Variants in CDK14 observed in about 807,000 individuals in gnomAD.
The protein encoded by CDK14 is cyclin dependent kinase 14.
A neutral mutation model predicts 60.7 loss-of-function variants in CDK14; 34 were observed. That is an observed-to-expected ratio of 0.56 (90% CI 0.43 to 0.75). The LOEUF is 0.75. CDK14 is among the 30% of genes least tolerant of loss of function. CDK14 has a pLI of 0.00. For synonymous variants in CDK14, 197 were observed against 203.7 expected, an observed-to-expected ratio of 0.97 and a Z score of 0.28; for missense variants, 482 against 564.1, an observed-to-expected ratio of 0.85 and a Z score of 1.47.
At chr7:90,905,661 G>A (rs867646588) in intron 7 of CDK14, among the ~76,000 whole-genome samples, 28 of 152,110 alleles carry the variant, frequency 1.8e-4, no homozygotes, top group Admixed American at 4.6e-4. Flanking sequence ...TGAGATGATG[G>A]AGTGTGTTAA....
chr7:90,899,081 A>G (rs1300350466), intron 6 of CDK14, among the ~76,000 whole-genome samples: 1 of 151,926 alleles, frequency 6.6e-6, no homozygotes, highest in African/African-American at 2.4e-5. Context: ...AATATTTAAC[A>G]TAAAACAGAG....
intron 10 of CDK14, 71 bp downstream of exon 10, chr7:90,984,312 C>T (rs1795318850): frequency 1.1e-6 from 1 of 928,894 alleles, no homozygotes; most frequent in South Asian, 1.3e-5. Flanking sequence ...AATTCTACAG[C>T]AGTCTGTGGA....
chr7:90,830,160 G>C (rs1295264755), intron 5 of CDK14, among the ~76,000 whole-genome samples: 1 of 152,266 alleles, frequency 6.6e-6, no homozygotes, highest in East Asian at 1.9e-4. Flanking sequence ...CCTAGTAGAG[G>C]TTCTCTATAA....
chr7:90,991,409 G>C (rs1308973754), intron 10 of CDK14, among the ~76,000 whole-genome samples: 1 of 152,128 alleles, frequency 6.6e-6, no homozygotes, highest in Non-Finnish European at 1.5e-5. Flanking sequence ...TTCATGTTTT[G>C]GGGGATTGGA....
At chr7:90,912,253 G>A (rs1308646628) in intron 7 of CDK14, among the ~76,000 whole-genome samples, 1 of 152,064 alleles carries the variant, frequency 6.6e-6, no homozygotes, top group Non-Finnish European at 1.5e-5. Context: ...ACGTGAATTT[G>A]TCTTCTCTCA....
At position 91,030,572 on chromosome 7, in the gene CDK14, G is replaced by A. The variant is rs76826704; in HGVS notation, c.1042-15325G>A. Among the ~76,000 whole-genome samples the A allele has an allele frequency of 2.2e-4, 33 of 152,178 alleles. No homozygotes were observed. In the East Asian group the frequency reaches 6.0e-3, roughly 28 times the overall value. On this transcript the variant is annotated intron_variant, in intron 10 of 14. Coordinates refer to ENST00000380050, the MANE Select transcript of CDK14 (RefSeq NM_001287135.2). ...CTGCCTCTCAAATGCCCCATCCTAA[G>A]TGCAAGTAGGTGCCCCTGTGAAAGA...
intron 7 of CDK14, among the ~76,000 whole-genome samples, chr7:90,912,754 C>T (rs1792950121): frequency 6.6e-6 from 1 of 151,998 alleles, no homozygotes; most frequent in African/African-American, 2.4e-5. Context: ...ACTGCAGGCA[C>T]ATGCCACCAT....
chr7:90,764,627 A>G (rs1394747618), intron 4 of CDK14, among the ~76,000 whole-genome samples: 1 of 152,228 alleles, frequency 6.6e-6, no homozygotes, highest in African/African-American at 2.4e-5. Flanking sequence ...GATCTGACAG[A>G]AAGGAAATTA....
At chr7:91,133,459 T>C (rs189471299) in intron 14 of CDK14, among the ~76,000 whole-genome samples, 23 of 151,872 alleles carry the variant, frequency 1.5e-4, no homozygotes, top group Non-Finnish European at 2.9e-4. Flanking sequence ...AAGAACAGAG[T>C]AGACCATTTA....
intron 3 of CDK14, among the ~76,000 whole-genome samples, chr7:90,735,565 C>T (rs1344756198): frequency 6.6e-6 from 1 of 152,234 alleles, no homozygotes; most frequent in Non-Finnish European, 1.5e-5. Flanking sequence ...TTGGCCTGGC[C>T]TTGCTGAGCT....
intron 6 of CDK14, among the ~76,000 whole-genome samples, chr7:90,896,492 T>C (rs1186201502): frequency 2.6e-5 from 4 of 152,148 alleles, no homozygotes; most frequent in Non-Finnish European, 2.9e-5. Context: ...ATTTTTATTT[T>C]ATGCTTATTG....
At chr7:91,018,710 G>A (rs1796363834) in intron 10 of CDK14, among the ~76,000 whole-genome samples, 1 of 152,154 alleles carries the variant, frequency 6.6e-6, no homozygotes, top group South Asian at 2.1e-4. Flanking sequence ...AAAGTGTGCA[G>A]CACCTCGCCC....
intron 14 of CDK14, among the ~76,000 whole-genome samples, chr7:91,122,486 G>A (rs1025663335): frequency 2.6e-5 from 4 of 152,144 alleles, no homozygotes; most frequent in Non-Finnish European, 4.4e-5. Flanking sequence ...TAGAATGGTG[G>A]TTCTTACTCG....
At chr7:90,663,025 G>T (rs549656294) in intron 2 of CDK14, among the ~76,000 whole-genome samples, 24 of 151,468 alleles carry the variant, frequency 1.6e-4, no homozygotes, top group South Asian at 8.4e-4. Context: ...AGTATTTTTT[G>T]TTGTTGTTGT....
intron 11 of CDK14, among the ~76,000 whole-genome samples, chr7:91,077,156 A>G (rs1044787206): frequency 1.3e-5 from 2 of 152,220 alleles, no homozygotes; most frequent in African/African-American, 4.8e-5. Context: ...GTATATACCC[A>G]AAGGAATATA....
chr7:91,168,962 A>T (rs779547530), intron 14 of CDK14, among the ~76,000 whole-genome samples: 12 of 152,140 alleles, frequency 7.9e-5, no homozygotes, highest in Non-Finnish European at 1.8e-4. Context: ...TGCTTCATAC[A>T]CATCTGCTGA....
intron 3 of CDK14, among the ~76,000 whole-genome samples, chr7:90,746,693 C>T (rs1308896652): frequency 1.3e-5 from 2 of 152,130 alleles, no homozygotes; most frequent in Non-Finnish European, 2.9e-5. Context: ...CAACACTCCC[C>T]TTTTCTTGTT....
intron 10 of CDK14, among the ~76,000 whole-genome samples, chr7:91,032,393 G>A (rs1796786913): frequency 1.3e-5 from 2 of 152,132 alleles, no homozygotes; most frequent in Admixed American, 1.3e-4. Flanking sequence ...AAGATAGTAA[G>A]TCCTTACACC....
intron 4 of CDK14, among the ~76,000 whole-genome samples, chr7:90,771,468 A>G (rs976942539): frequency 6.6e-6 from 1 of 152,230 alleles, no homozygotes; most frequent in South Asian, 2.1e-4. Context: ...ACACTGGAGA[A>G]TGAGTAAGTC....
Sources: allele counts gnomAD v4.1 joint callset (sites outside exome capture counted in the v4.1 genomes callset), GRCh38; gene constraint gnomAD v4.1.1; transcripts MANE v1.5; gene names NCBI Gene and HGNC (gene_info 2026-07-23, HGNC 2026-07-21).